The following SBF2 variants were observed in gnomAD, a reference collection of about 807,000 sequenced individuals.
SBF2 encodes myotubularin-related protein 13.
A neutral mutation model predicts 225.2 loss-of-function variants in SBF2; 112 were observed. The observed-to-expected ratio is 0.50, with a 90% CI of 0.43 to 0.58. The LOEUF is 0.58. SBF2 is among the 20% of genes least tolerant of loss of function. SBF2 has a pLI of 0.00. For missense variants in SBF2, 1,996 were observed against 2,206.2 expected, an observed-to-expected ratio of 0.90 and a Z score of 1.91; for synonymous variants, 763 against 773.3, an observed-to-expected ratio of 0.99 and a Z score of 0.22.
intron 1 of SBF2, among the ~76,000 whole-genome samples, chr11:10,276,222 G>A (rs1269207648): frequency 6.6e-6 from 1 of 152,146 alleles, no homozygotes. Flanking sequence ...GACTACCAAA[G>A]TTTCCACTAC....
chr11:10,021,460 A>C (rs924919612), intron 6 of SBF2, among the ~76,000 whole-genome samples: 4 of 152,208 alleles, frequency 2.6e-5, no homozygotes, highest in Admixed American at 2.6e-4. Flanking sequence ...AAAAAACAAA[A>C]AAACCAAAAA....
At chr11:10,215,650 T>C (rs1958101976) in intron 1 of SBF2, among the ~76,000 whole-genome samples, 1 of 136,444 alleles carries the variant, frequency 7.3e-6, no homozygotes, top group Non-Finnish European at 1.6e-5. Context: ...ACCATGTACC[T>C]CTTATGATTC....
chr11:10,063,345 T>TTTTTAA (rs1491301043), intron 2 of SBF2, among the ~76,000 whole-genome samples: 1 of 81,182 alleles, frequency 1.2e-5, no homozygotes, highest in Non-Finnish European at 3.3e-5. Flanking sequence ...TATATATATA[T>TTTTTAA]TTTTTTAATT....
At chr11:10,056,179 T>C (rs1443289361) in intron 2 of SBF2, among the ~76,000 whole-genome samples, 3 of 152,200 alleles carry the variant, frequency 2.0e-5, no homozygotes, top group Non-Finnish European at 4.4e-5. Context: ...TAACATGATT[T>C]TTCCAGCTTT....
intron 2 of SBF2, among the ~76,000 whole-genome samples, chr11:10,075,448 C>G (rs1349605350): frequency 6.6e-6 from 1 of 152,158 alleles, no homozygotes; most frequent in African/African-American, 2.4e-5. Context: ...GGTTCTGTGT[C>G]CCCACCCAAA....
At chr11:10,089,730 G>C (rs1951706935) in intron 2 of SBF2, among the ~76,000 whole-genome samples, 1 of 151,020 alleles carries the variant, frequency 6.6e-6, no homozygotes, top group African/African-American at 2.4e-5. Context: ...AAAAATTTCT[G>C]GTCCACAAGC....
intron 28 of SBF2, among the ~76,000 whole-genome samples, chr11:9,817,669 C>T (rs1164984619): frequency 1.3e-5 from 2 of 149,528 alleles, no homozygotes; most frequent in Non-Finnish European, 3.0e-5. Flanking sequence ...CTTTGGGAGG[C>T]CAAGGTGGGC....
At chr11:9,890,149 A>AGGT (rs1860676036) in intron 17 of SBF2, among the ~76,000 whole-genome samples, 1 of 152,060 alleles carries the variant, frequency 6.6e-6, no homozygotes, top group Admixed American at 6.6e-5. Flanking sequence ...AGGTGATCCA[A>AGGT]CTGCCTCGGC....
intron 17 of SBF2, among the ~76,000 whole-genome samples, chr11:9,878,539 A>T (rs548818946): frequency 1.9e-4 from 29 of 152,278 alleles, no homozygotes; most frequent in East Asian, 7.7e-4. Context: ...TAAATAATTT[A>T]AAAAAATCTG....
At chr11:9,820,137 A>G (rs973346768) in intron 28 of SBF2, among the ~76,000 whole-genome samples, 1 of 152,240 alleles carries the variant, frequency 6.6e-6, no homozygotes, top group African/African-American at 2.4e-5. Context: ...CAAGCAAACA[A>G]ATTGCTCAAG....
At chr11:9,996,381 C>T (rs1947701352) in intron 9 of SBF2, among the ~76,000 whole-genome samples, 1 of 151,764 alleles carries the variant, frequency 6.6e-6, no homozygotes, top group African/African-American at 2.4e-5. Context: ...ATCAACTCAC[C>T]TTCTTTTTTT....
At chr11:10,114,360 T>C (rs1953031379) in intron 2 of SBF2, among the ~76,000 whole-genome samples, 1 of 152,238 alleles carries the variant, frequency 6.6e-6, no homozygotes, top group South Asian at 2.1e-4. Flanking sequence ...TATCTTTCTT[T>C]CAGATGGCAT....
intron 2 of SBF2, among the ~76,000 whole-genome samples, chr11:10,124,232 T>A (rs557024639): frequency 6.6e-6 from 1 of 152,360 alleles, no homozygotes. Context: ...TCAACCTTTG[T>A]ATCTTTTAAC....
At chr11:10,086,038 C>T (rs998918795) in intron 2 of SBF2, among the ~76,000 whole-genome samples, 3 of 139,948 alleles carry the variant, frequency 2.1e-5, no homozygotes, top group African/African-American at 5.4e-5. Context: ...CACACACGTG[C>T]ATGTGTGCAT....
chr11:10,298,522 G>A (rs1299471563), upstream of SBF2, among the ~76,000 whole-genome samples: 1 of 152,246 alleles, frequency 6.6e-6, no homozygotes, highest in African/African-American at 2.4e-5. Context: ...CATTTCAAGT[G>A]CTTGCTGTGG....
Position 10,042,967 on chromosome 11 carries a change from G to A in SBF2, c.156C>T (p.Gly52=), listed in dbSNP as rs779676883. ...PQGIELFCQP[G]GWQLSRERKQ... ...TCCTCTCTCTGGACAGCTGCCACCC[G>A]CCAGGCTGACAAAACTAAATGAAAT... is the stretch of plus-strand genomic sequence containing the variant. Residue 52 remains glycine (G), a synonymous_variant, in exon 3 of 40, where the codon GGC becomes GGT. Coordinates refer to ENST00000256190, the MANE Select transcript of SBF2 (RefSeq NM_030962.4). 19 of 1,613,502 alleles carry A rather than the reference G, an allele frequency of 1.2e-5. No homozygotes were observed. In the East Asian group the frequency reaches 1.3e-4, roughly 11 times the overall value.
At chr11:10,051,671 T>G (rs971188601) in intron 2 of SBF2, among the ~76,000 whole-genome samples, 1 of 152,074 alleles carries the variant, frequency 6.6e-6, no homozygotes, top group African/African-American at 2.4e-5. Context: ...TCATAGTTTA[T>G]AGGAAATTTT....
At chr11:10,217,830 T>A (rs958872639) in intron 1 of SBF2, among the ~76,000 whole-genome samples, 7 of 152,164 alleles carry the variant, frequency 4.6e-5, no homozygotes, top group African/African-American at 1.7e-4. Flanking sequence ...AGAAGTTTAA[T>A]AGACTAACAA....
chr11:9,833,922 C>G (rs1242639505), intron 26 of SBF2, among the ~76,000 whole-genome samples: 1 of 151,258 alleles, frequency 6.6e-6, no homozygotes, highest in Non-Finnish European at 1.5e-5. Context: ...AGGCATGTGC[C>G]ACCACGCCTG....
Sources: allele counts gnomAD v4.1 joint callset (sites outside exome capture counted in the v4.1 genomes callset), GRCh38; gene constraint gnomAD v4.1.1; transcripts MANE v1.5; gene names NCBI Gene and HGNC (gene_info 2026-07-23, HGNC 2026-07-21).